MAGI2: variants seen among roughly 807,000 people sequenced by gnomAD.
The protein encoded by MAGI2 is membrane associated guanylate kinase, WW and PDZ domain containing 2.
Under a neutral mutation model 133.3 loss-of-function variants are expected in MAGI2, and 35 were observed. The observed-to-expected ratio is 0.26, with a 90% CI of 0.20 to 0.35. The LOEUF (loss-of-function observed/expected upper bound fraction) is 0.35, where lower values mean the gene tolerates loss of function less well. Ranked by LOEUF, MAGI2 falls within the 10% of genes least tolerant of loss-of-function variation. The pLI is 1.00. For missense variants in MAGI2, 1,636 were observed against 1,863.4 expected (o/e 0.88, Z 2.25); for synonymous variants, 729 against 710.6 (o/e 1.03, Z -0.41).
At chr7:78,205,857 T>C (rs866565182) in intron 10 of MAGI2, among the ~76,000 whole-genome samples, 4 of 152,218 alleles carry the variant, frequency 2.6e-5, no homozygotes, top group Admixed American at 6.5e-5. Flanking sequence ...TGAGAAACCT[T>C]AGAACATTCC....
intron 21 of MAGI2, among the ~76,000 whole-genome samples, chr7:78,029,692 C>T (rs1412309765): frequency 6.8e-6 from 1 of 147,458 alleles, no homozygotes; most frequent in Non-Finnish European, 1.5e-5. Context: ...AAAACCATTG[C>T]GTGTTGAAAA....
intron 3 of MAGI2, among the ~76,000 whole-genome samples, chr7:78,556,556 G>A (rs1167828248): frequency 6.6e-6 from 1 of 152,206 alleles, no homozygotes; most frequent in Non-Finnish European, 1.5e-5. Flanking sequence ...GCACTTGAGG[G>A]AATGAGGAGA....
chr7:79,067,650 G>A (rs931783939), intron 1 of MAGI2, among the ~76,000 whole-genome samples: 3 of 152,170 alleles, frequency 2.0e-5, no homozygotes, highest in African/African-American at 7.2e-5. Context: ...TGTTGAACAT[G>A]AGTGGTGAGA....
At chr7:78,255,659 A>G in intron 10 of MAGI2, 1 of 568,588 alleles carries the variant, frequency 1.8e-6, no homozygotes. Context: ...AACAAAATAC[A>G]TTCATAGTTG....
chr7:78,570,976 G>A lies in MAGI2; in HGVS notation c.539-49331C>T. On this transcript the variant is annotated intron_variant, in intron 3 of 21. Coordinates refer to ENST00000354212, the MANE Select transcript of MAGI2 (RefSeq NM_012301.4). ...GTATTCTGAGGCTGGAGCAAAATTA[G>A]GTTACTTAAGATTGCACATATTTTA... Among the ~76,000 whole-genome samples the A allele has an allele frequency of 2.0e-5, 3 of 152,206 alleles. No individual in the cohort carries two copies. The South Asian group carries it at 6.2e-4, about 32-fold the overall frequency.
chr7:79,278,449 C>A (rs531498160), intron 1 of MAGI2, among the ~76,000 whole-genome samples: 84 of 152,190 alleles, frequency 5.5e-4, no homozygotes, highest in South Asian at 1.2e-3. Flanking sequence ...AAATCCTTTC[C>A]CCTTTTGTTT....
At chr7:79,103,349 A>G (rs1818158957) in intron 1 of MAGI2, among the ~76,000 whole-genome samples, 1 of 152,106 alleles carries the variant, frequency 6.6e-6, no homozygotes, top group South Asian at 2.1e-4. Context: ...TCATTCTTGT[A>G]GCACACTTCC....
intron 16 of MAGI2, among the ~76,000 whole-genome samples, chr7:78,140,881 C>A (rs956298292): frequency 2.6e-5 from 4 of 152,034 alleles, no homozygotes; most frequent in African/African-American, 9.7e-5. Context: ...GTTGGGGAGA[C>A]CAGGGATAAA....
At chr7:78,639,291 A>G (rs1192433772) in intron 2 of MAGI2, among the ~76,000 whole-genome samples, 2 of 152,218 alleles carry the variant, frequency 1.3e-5, no homozygotes. Context: ...TTTCAATTAT[A>G]TTGAAAATGC....
rs780734179 is a variant in MAGI2 at position 78,564,363 on chromosome 7, TTTAGA to T, written c.539-42723_539-42719del. On this transcript the variant is annotated intron_variant, in intron 3 of 21. Coordinates refer to ENST00000354212, the MANE Select transcript of MAGI2 (RefSeq NM_012301.4). ...TTAAAATATAAGAAAAACATTCTGCTTTAGATTAATTTCATAACCACTAAATACTT... is the reference window on the plus strand; with the variant it reads ...TTAAAATATAAGAAAAACATTCTGCTTTAATTTCATAACCACTAAATACTT... 3.3e-5 allele frequency among the ~76,000 whole-genome samples: 5 copies of T among 152,348 alleles called. No homozygotes were observed. In the East Asian group the frequency reaches 7.7e-4, roughly 23 times the overall value.
intron 2 of MAGI2, among the ~76,000 whole-genome samples, chr7:78,667,538 G>A (rs10233348): frequency 8.0e-5 from 5 of 62,694 alleles, no homozygotes; most frequent in South Asian, 6.0e-4. Flanking sequence ...TATCCCTCCC[G>A]CCTCCCCCCA....
rs72030909 is a variant in MAGI2 at position 78,687,969 on chromosome 7, T to TAAAAAAAAAAAAAAAA, written c.419-60746_419-60731dup. Among the ~76,000 whole-genome samples, 40 of 67,236 alleles carry TAAAAAAAAAAAAAAAA rather than the reference T, an allele frequency of 5.9e-4. 1 individual carries two copies. Among genetic ancestry groups the TAAAAAAAAAAAAAAAA allele is most frequent in the Middle Eastern group, 9.4e-3 (1 of 106 alleles). 44.1% of individuals were successfully genotyped at this position (67,236 alleles called of 152,430 possible). On this transcript the variant is annotated intron_variant, in intron 2 of 21. Coordinates refer to ENST00000354212, the MANE Select transcript of MAGI2 (RefSeq NM_012301.4). The stretch of plus-strand genomic sequence containing the variant: ...TGGGCAAGAGAGTGAGTCCTTGCCT[T>TAAAAAAAAAAAAAAAA]AAAAAAAAAAAAAAAAAAAAAAAAA...
intron 2 of MAGI2, 98 bp from the exon 3 acceptor site, chr7:78,627,337 T>A: frequency 8.7e-7 from 1 of 1,145,776 alleles, no homozygotes; most frequent in Non-Finnish European, 1.1e-6. Flanking sequence ...GTGCCACTTG[T>A]TTGTACATCC....
chr7:78,118,108 T>G (rs1354889397), intron 20 of MAGI2, among the ~76,000 whole-genome samples: 3 of 152,104 alleles, frequency 2.0e-5, no homozygotes, highest in African/African-American at 7.2e-5. Flanking sequence ...GAAAAAATAG[T>G]TATCTCAACA....
chr7:78,495,647 G>C (rs1794021331), intron 5 of MAGI2, among the ~76,000 whole-genome samples: 1 of 152,024 alleles, frequency 6.6e-6, no homozygotes, highest in South Asian at 2.1e-4. Context: ...CACAAATAAA[G>C]CTACTGTCAA....
At chr7:78,728,146 G>C (rs1250593663) in intron 2 of MAGI2, among the ~76,000 whole-genome samples, 5 of 152,146 alleles carry the variant, frequency 3.3e-5, no homozygotes, top group Non-Finnish European at 1.5e-5. Context: ...GATTATTTGA[G>C]AATAATCTGC....
chr7:78,162,253 C>A (rs149933477), intron 15 of MAGI2, among the ~76,000 whole-genome samples: 1 of 151,616 alleles, frequency 6.6e-6, no homozygotes, highest in African/African-American at 2.4e-5. Flanking sequence ...AGAAGAAGCG[C>A]GGTGGCTCAC....
intron 9 of MAGI2, among the ~76,000 whole-genome samples, chr7:78,325,268 A>C (rs1332562921): frequency 4.6e-5 from 7 of 152,176 alleles, no homozygotes; most frequent in Admixed American, 4.6e-4. Context: ...TAAAACACTC[A>C]ACAAAGAAAA....
At chr7:78,966,467 T>C (rs905885685) in intron 2 of MAGI2, among the ~76,000 whole-genome samples, 53 of 152,212 alleles carry the variant, frequency 3.5e-4, no homozygotes, top group African/African-American at 1.2e-3. Context: ...TAGCATAATA[T>C]CCTAAAAGTT....
Sources: allele counts gnomAD v4.1 joint callset (sites outside exome capture counted in the v4.1 genomes callset), GRCh38; gene constraint gnomAD v4.1.1; transcripts MANE v1.5; gene names NCBI Gene and HGNC (gene_info 2026-07-23, HGNC 2026-07-21).